The following GOLM2 variants were observed in gnomAD, a reference collection of about 807,000 sequenced individuals.
GOLM2 encodes golgi membrane protein 2, also known as protein GOLM2.
A neutral mutation model predicts 55.9 loss-of-function variants in GOLM2; 26 were observed. That is an observed-to-expected ratio of 0.47 (90% CI 0.34 to 0.65). The LOEUF (loss-of-function observed/expected upper bound fraction) is 0.65, where lower values mean the gene tolerates loss of function less well. Among genes scored for constraint, GOLM2 ranks in the 30% least tolerant of loss-of-function variants. GOLM2 has a pLI of 0.01. For missense variants in GOLM2, 486 were observed against 531.8 expected (o/e 0.91, Z 0.85); for synonymous variants, 165 against 194.6 (o/e 0.85, Z 1.27).
intron 1 of GOLM2, among the ~76,000 whole-genome samples, chr15:44,302,880 G>A (rs927475610): frequency 4.4e-4 from 67 of 152,136 alleles, no homozygotes; most frequent in Non-Finnish European, 1.9e-4. Context: ...TGAGGTGGGC[G>A]TATCACGAGG....
At chr15:44,382,646 A>G (rs1267260526) in intron 8 of GOLM2, among the ~76,000 whole-genome samples, 3 of 152,014 alleles carry the variant, frequency 2.0e-5, no homozygotes, top group Non-Finnish European at 4.4e-5. Context: ...TTCTAAACTT[A>G]TATTTATTCT....
At chr15:44,408,991 A>C (rs1595671487) in intron 9 of GOLM2, among the ~76,000 whole-genome samples, 1 of 151,958 alleles carries the variant, frequency 6.6e-6, no homozygotes, top group East Asian at 1.9e-4. Context: ...AACAAATCCC[A>C]AAAAGGACGG....
At chr15:44,399,515 T>G (rs570242572) in intron 8 of GOLM2, among the ~76,000 whole-genome samples, 1 of 152,350 alleles carries the variant, frequency 6.6e-6, no homozygotes, top group Admixed American at 6.5e-5. Context: ...TTTGACTTAA[T>G]TTAGGCTAGT....
intron 6 of GOLM2, among the ~76,000 whole-genome samples, chr15:44,354,518 TTA>T (rs1491511433): frequency 6.6e-6 from 1 of 150,588 alleles, no homozygotes; most frequent in East Asian, 2.0e-4. Context: ...AAAAAAATAC[TTA>T]TAAAACAGAT....
intron 8 of GOLM2, among the ~76,000 whole-genome samples, chr15:44,381,813 T>C (rs1468120187): frequency 6.6e-6 from 1 of 152,102 alleles, no homozygotes; most frequent in African/African-American, 2.4e-5. Flanking sequence ...TTTTATTTCT[T>C]TATTTTTATT....
intron 2 of GOLM2, among the ~76,000 whole-genome samples, chr15:44,323,892 A>C (rs1361178628): frequency 1.3e-5 from 2 of 152,204 alleles, no homozygotes; most frequent in Non-Finnish European, 2.9e-5. Flanking sequence ...AGCACAATCA[A>C]TAGGAAGTGT....
chr15:44,393,113 A>C (rs777968216), intron 8 of GOLM2, among the ~76,000 whole-genome samples: 4 of 152,184 alleles, frequency 2.6e-5, no homozygotes, highest in South Asian at 2.1e-4. Context: ...ATTTGTAGAC[A>C]ATATGATTTT....
chr15:44,384,127 T>C lies in GOLM2; in HGVS notation c.1072+3151T>C, dbSNP rs963142080. ...TGTTTTGGTAAGTTACACGTAAAATTCACCAAAATGTACAATTCAGTGGCA... is the reference window on the plus strand; with the variant it reads ...TGTTTTGGTAAGTTACACGTAAAATCCACCAAAATGTACAATTCAGTGGCA... On this transcript the variant is annotated intron_variant, in intron 8 of 9. Transcript: ENST00000299957. 1.2e-4 allele frequency among the ~76,000 whole-genome samples: 18 copies of C among 152,174 alleles called. No homozygotes were observed. In the East Asian group the frequency reaches 1.3e-3, roughly 11 times the overall value.
chr15:44,333,273 T>C (rs1320006747), intron 4 of GOLM2, among the ~76,000 whole-genome samples: 1 of 152,202 alleles, frequency 6.6e-6, no homozygotes, highest in African/African-American at 2.4e-5. Context: ...TAACCAGGCA[T>C]GATTTTTATG....
intron 6 of GOLM2, among the ~76,000 whole-genome samples, chr15:44,372,529 T>C (rs2079335363): frequency 6.6e-6 from 1 of 152,234 alleles, no homozygotes; most frequent in Non-Finnish European, 1.5e-5. Context: ...GTAAGCATCT[T>C]ACCAGTTTCT....
chr15:44,337,937 A>T (rs776677869), intron 5 of GOLM2, 30 bp downstream of exon 5: 1 of 1,550,714 alleles, frequency 6.4e-7, no homozygotes, highest in Non-Finnish European at 8.7e-7. Context: ...TTTGTTTTGT[A>T]TTAATAGGAT....
intron 9 of GOLM2, among the ~76,000 whole-genome samples, chr15:44,411,206 G>T (rs2079636678): frequency 6.6e-6 from 1 of 151,390 alleles, no homozygotes; most frequent in South Asian, 2.1e-4. Flanking sequence ...ATTTTTAGTA[G>T]AGACTGGGTT....
At chr15:44,322,672 T>C (rs539966019) in intron 1 of GOLM2, among the ~76,000 whole-genome samples, 2 of 152,334 alleles carry the variant, frequency 1.3e-5, no homozygotes, top group South Asian at 4.1e-4. Context: ...TAGAAGACAG[T>C]GACCATAGCT....
intron 6 of GOLM2, among the ~76,000 whole-genome samples, chr15:44,353,661 G>T (rs1367614435): frequency 2.0e-5 from 3 of 152,110 alleles, no homozygotes; most frequent in East Asian, 1.9e-4. Context: ...TATGTTAGGT[G>T]AAATAAGCCA....
chr15:44,400,665 C>T (rs987846755), intron 8 of GOLM2, among the ~76,000 whole-genome samples: 2 of 149,930 alleles, frequency 1.3e-5, no homozygotes, highest in Admixed American at 1.3e-4. Flanking sequence ...CAAGCTCTGC[C>T]TCCTGGGTTC....
At position 44,380,671 on chromosome 15, in the gene GOLM2, A is replaced by AG. The variant is rs2079395335; in HGVS notation, c.902-135_902-134insG. ...AGAAATGAGAATAAACCTTTAAAAA[A>AG]AAAAAAAAAAGCTTTGTGGCTACCC... On this transcript the variant is annotated intron_variant, in intron 7 of 9. Coordinates refer to ENST00000299957, the MANE Select transcript of GOLM2 (RefSeq NM_138423.4). The AG allele has an allele frequency of 8.8e-6, 5 of 568,174 alleles. No homozygotes were observed. In the East Asian group the frequency reaches 1.8e-4, roughly 20 times the overall value. The allele number at this position is 568,174 out of a possible 1,614,324, so 35.2% of individuals were successfully genotyped here. A position where few individuals can be genotyped will look rare whatever the true frequency, so the allele number is the denominator to read the frequency against.
chr15:44,297,765 T>C (rs573361838), intron 1 of GOLM2, among the ~76,000 whole-genome samples: 77 of 151,012 alleles, frequency 5.1e-4, no homozygotes, highest in Middle Eastern at 3.5e-3. Context: ...GGTTTCACCA[T>C]GTTAGTCAGG....
intron 6 of GOLM2, among the ~76,000 whole-genome samples, chr15:44,347,855 C>G (rs866155997): frequency 5.9e-5 from 9 of 152,146 alleles, no homozygotes; most frequent in African/African-American, 1.9e-4. Flanking sequence ...CATTTTGCAA[C>G]TTGAATACCA....
At chr15:44,318,398 A>C (rs978651377) in intron 1 of GOLM2, among the ~76,000 whole-genome samples, 1 of 152,212 alleles carries the variant, frequency 6.6e-6, no homozygotes, top group African/African-American at 2.4e-5. Flanking sequence ...TGTTGCAGCC[A>C]GATTGACTTT....
Sources: allele counts gnomAD v4.1 joint callset (sites outside exome capture counted in the v4.1 genomes callset), GRCh38; gene constraint gnomAD v4.1.1; transcripts MANE v1.5; gene names NCBI Gene and HGNC (gene_info 2026-07-23, HGNC 2026-07-21).